Variants in NPAS3 observed in about 807,000 individuals in gnomAD.
The protein encoded by NPAS3 is neuronal PAS domain-containing protein 3.
A neutral mutation model predicts 73.1 loss-of-function variants in NPAS3; 14 were observed. The ratio of observed to expected loss-of-function variants is 0.19; its 90% confidence interval spans 0.13 to 0.30. The LOEUF (loss-of-function observed/expected upper bound fraction) is 0.30, where lower values mean the gene tolerates loss of function less well. NPAS3 is among the 10% of genes least tolerant of loss of function. The probability of loss-of-function intolerance (pLI) is 1.00; values close to 1 mark genes in which losing one functional copy is unlikely to be tolerated. For missense variants in NPAS3, 1,096 were observed against 1,250.0 expected, an observed-to-expected ratio of 0.88 and a Z score of 1.86; for synonymous variants, 620 against 541.5, an observed-to-expected ratio of 1.14 and a Z score of -2.01.
At chr14:33,784,981 C>G (rs573671370) in intron 9 of NPAS3, among the ~76,000 whole-genome samples, 10 of 151,310 alleles carry the variant, frequency 6.6e-5, no homozygotes, top group South Asian at 4.2e-4. Context: ...AGCTCCCAAC[C>G]TCAGGTGATC....
intron 2 of NPAS3, among the ~76,000 whole-genome samples, chr14:33,082,768 C>A (rs1018724541): frequency 6.6e-6 from 1 of 152,158 alleles, no homozygotes; most frequent in African/African-American, 2.4e-5. Flanking sequence ...TGGTAAAATC[C>A]AAGTAATAAA....
Position 33,263,253 on chromosome 14 carries a change from G to A in NPAS3, c.385+47827G>A, listed in dbSNP as rs545405912. ...TCTTCTAGAGTTTTTATGGTTTTAG[G>A]TCTAACATTTAAGTCTTTAATCCAT... On this transcript the variant is annotated intron_variant, in intron 3 of 11. Coordinates refer to ENST00000356141, the Ensembl canonical transcript of NPAS3. Among the ~76,000 whole-genome samples the A allele has an allele frequency of 2.9e-4, 44 of 152,268 alleles. 1 individual carries two copies. Among genetic ancestry groups the A allele is most frequent in the African/African-American group, 8.7e-4 (36 of 41,548 alleles).
intron 2 of NPAS3, among the ~76,000 whole-genome samples, chr14:33,166,044 T>C (rs1325684824): frequency 2.0e-5 from 3 of 152,192 alleles, no homozygotes; most frequent in Non-Finnish European, 2.9e-5. Flanking sequence ...GTCTGTGGTC[T>C]CCCCACCATG....
intron 4 of NPAS3, among the ~76,000 whole-genome samples, chr14:33,490,841 A>G (rs1039451731): frequency 1.3e-5 from 2 of 152,220 alleles, no homozygotes; most frequent in African/African-American, 4.8e-5. Context: ...AGAGAGCCTC[A>G]GATGCCGCTG....
At chr14:33,627,240 G>A (rs924804953) in intron 5 of NPAS3, among the ~76,000 whole-genome samples, 2 of 152,132 alleles carry the variant, frequency 1.3e-5, no homozygotes, top group African/African-American at 4.8e-5. Flanking sequence ...TCATGAGGAG[G>A]ATTCCTCATA....
intron 4 of NPAS3, among the ~76,000 whole-genome samples, chr14:33,449,439 A>C (rs1032595472): frequency 6.6e-6 from 1 of 152,212 alleles, no homozygotes; most frequent in African/African-American, 2.4e-5. Context: ...AGTAGTTGCA[A>C]CGGAGGATGT....
chr14:33,021,850 T>C (rs976265081), intron 1 of NPAS3, among the ~76,000 whole-genome samples: 12 of 152,320 alleles, frequency 7.9e-5, no homozygotes, highest in African/African-American at 2.9e-4. Context: ...GGAGTGGTAA[T>C]AGAACAATAA....
chr14:33,691,475 A>C (rs773250771), intron 6 of NPAS3, among the ~76,000 whole-genome samples: 7 of 152,224 alleles, frequency 4.6e-5, no homozygotes, highest in Non-Finnish European at 1.0e-4. Flanking sequence ...TGGTCCTAAA[A>C]ATCTGTCAAC....
chr14:33,127,631 T>C lies in NPAS3; in HGVS notation c.140+71637T>C, dbSNP rs563402857. ...TGCATTTTACGGACTTGGGTCTTAC[T>C]GTCCTAGAAAGCTGGCAGGTACTGA... On this transcript the variant is annotated intron_variant, in intron 2 of 11. Transcript: ENST00000356141. Among the ~76,000 whole-genome samples, 5 of 152,290 alleles carry C rather than the reference T, an allele frequency of 3.3e-5. No homozygotes were observed. In the East Asian group the frequency reaches 9.7e-4, roughly 29 times the overall value.
intron 4 of NPAS3, among the ~76,000 whole-genome samples, chr14:33,494,731 T>C (rs2139848428): frequency 6.6e-6 from 1 of 152,254 alleles, no homozygotes; most frequent in South Asian, 2.1e-4. Context: ...GTTTTCTTTT[T>C]ACAGTCAACA....
At chr14:32,999,523 T>A (rs1002917096) in intron 1 of NPAS3, among the ~76,000 whole-genome samples, 12 of 150,514 alleles carry the variant, frequency 8.0e-5, no homozygotes, top group African/African-American at 7.4e-5. Flanking sequence ...AAAAAAAAAA[T>A]AAAAGTTATA....
intron 5 of NPAS3, among the ~76,000 whole-genome samples, chr14:33,586,853 A>T (rs952262924): frequency 6.6e-6 from 1 of 152,234 alleles, no homozygotes. Flanking sequence ...TTAAGTGGAT[A>T]TCATGCAACT....
intron 4 of NPAS3, among the ~76,000 whole-genome samples, chr14:33,445,658 C>T (rs142642605): frequency 1.3e-5 from 2 of 152,346 alleles, no homozygotes; most frequent in Non-Finnish European, 2.9e-5. Flanking sequence ...CAGTTTCAGA[C>T]CCAGAGCTTT....
chr14:33,405,348 G>A (rs1037347037), intron 4 of NPAS3, among the ~76,000 whole-genome samples: 2 of 152,082 alleles, frequency 1.3e-5, no homozygotes, highest in African/African-American at 2.4e-5. Flanking sequence ...GCAAAGCAGT[G>A]ATGCAATTTA....
In NPAS3 at chr14:33,800,290, C is replaced by G; in HGVS notation, c.1983C>G (p.Asp661Glu). ...CAGAACCCATCAATTTCGACAATGA[C>G]AGCAGCATCTGGAACTACCCGCCCA... is the stretch of plus-strand genomic sequence containing the variant. Residue 661 changes from aspartate to glutamate, a missense_variant, in exon 12 of 12, where the codon GAC becomes GAG. Around this residue, in one of 5 missense-constraint regions of NPAS3, gnomAD observed 698 missense variants for 676.7 expected, o/e 1.03. Coordinates refer to ENST00000356141, the Ensembl canonical transcript of NPAS3. This position sits in a 1 kb window ranked among gnomAD's most constrained non-coding sequence, Gnocchi z 6.5. 6.2e-7 allele frequency: 1 copy of G among 1,613,462 alleles called. No homozygotes were observed. Among genetic ancestry groups the G allele is most frequent in the Non-Finnish European group, 8.5e-7 (1 of 1,179,664 alleles).
At chr14:32,972,963 T>G (rs2037499441) in intron 1 of NPAS3, among the ~76,000 whole-genome samples, 1 of 152,230 alleles carries the variant, frequency 6.6e-6, no homozygotes, top group Admixed American at 6.5e-5. Context: ...ATGCTGTTTT[T>G]ACAAGGTAGA....
At chr14:33,026,560 C>T (rs1308887606) in intron 1 of NPAS3, among the ~76,000 whole-genome samples, 3 of 150,356 alleles carry the variant, frequency 2.0e-5, no homozygotes, top group African/African-American at 7.3e-5. Context: ...CCTCTCTGTT[C>T]ACTGTGTTCT....
intron 7 of NPAS3, among the ~76,000 whole-genome samples, chr14:33,746,872 C>T (rs1447255074): frequency 6.6e-6 from 1 of 151,526 alleles, no homozygotes; most frequent in Non-Finnish European, 1.5e-5. Flanking sequence ...TTAGGTATAT[C>T]TCCCAATGCT....
intron 4 of NPAS3, among the ~76,000 whole-genome samples, chr14:33,488,633 G>T (rs1310579872): frequency 6.6e-6 from 1 of 152,150 alleles, no homozygotes; most frequent in African/African-American, 2.4e-5. Context: ...GTGTTTTGGG[G>T]TTTTACTGAA....
Sources: gnomAD v4.1 joint callset for allele counts (sites outside exome capture counted in the v4.1 genomes callset) on GRCh38, gnomAD v4.1.1 for gene constraint, gnomAD v4.1.1 regional missense constraint, Gnocchi (gnomAD v3.1) non-coding constraint, MANE v1.5 for transcripts, NCBI Gene and HGNC (gene_info 2026-07-23, HGNC 2026-07-21) for gene names.